The following EBF1 variants were observed in gnomAD, a reference collection of about 807,000 sequenced individuals.
EBF1 encodes EBF transcription factor 1.
In EBF1, 10 loss-of-function variants were observed where a neutral mutation model predicts 68.4. That is an observed-to-expected ratio of 0.15 (90% confidence interval 0.09 to 0.25). The LOEUF (loss-of-function observed/expected upper bound fraction) is 0.25, where lower values mean the gene tolerates loss of function less well. Among genes scored for constraint, EBF1 ranks in the 10% least tolerant of loss-of-function variants. The probability of loss-of-function intolerance (pLI) is 1.00; values close to 1 mark genes in which losing one functional copy is unlikely to be tolerated. For synonymous variants in EBF1, 298 were observed against 299.8 expected, an observed-to-expected ratio of 0.99 and a Z score of 0.06; for missense variants, 509 against 794.4, an observed-to-expected ratio of 0.64 and a Z score of 4.32.
In EBF1 at chr5:158,730,505, T is replaced by C. The variant is rs192068676; in HGVS notation, c.1125+564A>G. 9.2e-5 allele frequency among the ~76,000 whole-genome samples: 14 copies of C among 152,344 alleles called. No homozygotes were observed. In the East Asian group the frequency reaches 2.1e-3, roughly 23 times the overall value. On this transcript the variant is annotated intron_variant, in intron 11 of 15. Coordinates refer to ENST00000313708, the MANE Select transcript of EBF1 (RefSeq NM_024007.5). Reference sequence around the variant, plus strand: ...TTGAATTTTTGTTTAATTTCTCTCATATTTGTGCCTATTTTCCCAACCAGG... The same window carrying C: ...TTGAATTTTTGTTTAATTTCTCTCACATTTGTGCCTATTTTCCCAACCAGG...
At chr5:159,002,796 G>A (rs142051663) in intron 6 of EBF1, among the ~76,000 whole-genome samples, 223 of 152,238 alleles carry the variant, frequency 1.5e-3, no homozygotes, top group African/African-American at 4.7e-3. Flanking sequence ...TATCACCTTT[G>A]GAAATCTGTA....
At chr5:158,786,166 C>CAA (rs1030033992) in intron 9 of EBF1, among the ~76,000 whole-genome samples, 1 of 147,994 alleles carries the variant, frequency 6.8e-6, no homozygotes, top group African/African-American at 2.5e-5. Context: ...CAAACAACAA[C>CAA]AAAAAAAAAA....
intron 6 of EBF1, among the ~76,000 whole-genome samples, chr5:158,852,633 C>T (rs1793179268): frequency 6.6e-6 from 1 of 152,296 alleles, no homozygotes; most frequent in South Asian, 2.1e-4. Flanking sequence ...TATAGACGAT[C>T]CAATAAGCCT....
At chr5:159,051,586 G>A (rs142540710) in intron 6 of EBF1, among the ~76,000 whole-genome samples, 8 of 151,734 alleles carry the variant, frequency 5.3e-5, no homozygotes, top group Admixed American at 4.6e-4. Flanking sequence ...AAACACCGCC[G>A]GCCCGGCTCG....
At chr5:158,865,365 C>G (rs1282248885) in intron 6 of EBF1, among the ~76,000 whole-genome samples, 1 of 152,100 alleles carries the variant, frequency 6.6e-6, no homozygotes. Flanking sequence ...TGATCATAAC[C>G]AAGTCACTTA....
At chr5:158,934,335 C>T (rs1009137528) in intron 6 of EBF1, among the ~76,000 whole-genome samples, 2 of 152,170 alleles carry the variant, frequency 1.3e-5, no homozygotes, top group Admixed American at 1.3e-4. Flanking sequence ...CATACACACT[C>T]GTACAAGAGC....
chr5:158,994,058 T>C (rs1172551919), intron 6 of EBF1, among the ~76,000 whole-genome samples: 1 of 152,204 alleles, frequency 6.6e-6, no homozygotes, highest in African/African-American at 2.4e-5. Context: ...TTCTCCTATC[T>C]CATTCTATGC....
At chr5:158,957,732 C>T (rs927027095) in intron 6 of EBF1, among the ~76,000 whole-genome samples, 7 of 152,198 alleles carry the variant, frequency 4.6e-5, no homozygotes, top group African/African-American at 9.6e-5. Context: ...CTGCCATGGA[C>T]GCTTCCTCTG....
chr5:158,915,100 G>A (rs528549346), intron 6 of EBF1, among the ~76,000 whole-genome samples: 43 of 152,282 alleles, frequency 2.8e-4, no homozygotes, highest in African/African-American at 1.0e-3. Context: ...CAGTGAAAAT[G>A]GGGCGGGCCA....
chr5:158,922,958 T>G (rs1024417512), intron 6 of EBF1, among the ~76,000 whole-genome samples: 3 of 152,170 alleles, frequency 2.0e-5, no homozygotes, highest in Non-Finnish European at 4.4e-5. Context: ...ATCTGCAAAG[T>G]AAGAAGTAAG....
At position 158,838,580 on chromosome 5, in the gene EBF1, G is replaced by A. The variant is rs554947314; in HGVS notation, c.636+1449C>T. On this transcript the variant is annotated intron_variant, in intron 7 of 15. Transcript: ENST00000313708. ...TCAGGAGAGATTACTTTTTTCTACCGCATTTGTTCTTTAATAAGACTAATA... is the reference window on the plus strand; with the variant it reads ...TCAGGAGAGATTACTTTTTTCTACCACATTTGTTCTTTAATAAGACTAATA... Among the ~76,000 whole-genome samples, 83 of 152,054 alleles carry A rather than the reference G, an allele frequency of 5.5e-4. 1 individual carries two copies. Among genetic ancestry groups the A allele is most frequent in the South Asian group, 4.0e-3 (19 of 4,810 alleles).
intron 6 of EBF1, among the ~76,000 whole-genome samples, chr5:158,991,362 C>T (rs1760289156): frequency 6.6e-6 from 1 of 152,130 alleles, no homozygotes; most frequent in South Asian, 2.1e-4. Flanking sequence ...TTAAAAATAT[C>T]TGAATCACAA....
At chr5:158,905,470 T>C (rs1323018228) in intron 6 of EBF1, among the ~76,000 whole-genome samples, 1 of 152,182 alleles carries the variant, frequency 6.6e-6, no homozygotes, top group Non-Finnish European at 1.5e-5. Context: ...TGGATGAGGA[T>C]TAAGTCATTT....
At chr5:158,987,233 G>A (rs1362932699) in intron 6 of EBF1, 1 of 152,218 alleles carries the variant, frequency 6.6e-6, no homozygotes, top group Non-Finnish European at 1.5e-5. Context: ...TTCTTCATCT[G>A]TAATATGGAG....
At chr5:159,041,588 A>T (rs1771211961) in intron 6 of EBF1, among the ~76,000 whole-genome samples, 1 of 152,336 alleles carries the variant, frequency 6.6e-6, no homozygotes, top group South Asian at 2.1e-4. Context: ...TGTAGAAAAT[A>T]TTTTTTAAAA....
intron 6 of EBF1, among the ~76,000 whole-genome samples, chr5:158,948,023 C>T (rs1052170417): frequency 6.6e-6 from 1 of 152,222 alleles, no homozygotes; most frequent in Non-Finnish European, 1.5e-5. Context: ...TCTTTTAAGA[C>T]ATGAATCCCC....
intron 9 of EBF1, among the ~76,000 whole-genome samples, chr5:158,783,454 A>G (rs541950113): frequency 9.9e-5 from 15 of 152,280 alleles, no homozygotes; most frequent in Non-Finnish European, 2.1e-4. Flanking sequence ...GAATTCTCCA[A>G]CTGCTCAACA....
Position 158,986,750 on chromosome 5 carries a change from C to T in EBF1, c.554+86646G>A, listed in dbSNP as rs1759169912. 3 of 152,194 alleles carry T rather than the reference C, an allele frequency of 2.0e-5. No homozygotes were observed. In the South Asian group the frequency reaches 6.2e-4, roughly 32 times the overall value. The allele number at this position is 152,194 out of a possible 1,614,324, so 9.4% of individuals were successfully genotyped here. On this transcript the variant is annotated intron_variant, in intron 6 of 15. Coordinates refer to ENST00000313708, the MANE Select transcript of EBF1 (RefSeq NM_024007.5). ...CCTAAGAATTTAATCTCTATCATTT[C>T]ATTGGGCTGGCCAGATTTATATAAT... is the stretch of plus-strand genomic sequence containing the variant.
chr5:158,900,134 C>T (rs1016181910), intron 6 of EBF1, among the ~76,000 whole-genome samples: 16 of 152,154 alleles, frequency 1.1e-4, no homozygotes, highest in Non-Finnish European at 1.9e-4. Flanking sequence ...AAATTTTTCA[C>T]GTGAAGACAT....
Sources: allele counts gnomAD v4.1 joint callset (sites outside exome capture counted in the v4.1 genomes callset), GRCh38; gene constraint gnomAD v4.1.1; transcripts MANE v1.5; gene names NCBI Gene and HGNC (gene_info 2026-07-23, HGNC 2026-07-21).